Variants in SHLD2 observed in about 807,000 individuals in gnomAD.
The protein encoded by SHLD2 is RINN1-REV7-interacting novel NHEJ regulator 2.
SHLD2 carries 30 observed loss-of-function variants against 73.2 expected under a neutral mutation model. The observed-to-expected ratio is 0.41, with a 90% confidence interval of 0.31 to 0.56. The LOEUF (loss-of-function observed/expected upper bound fraction) is 0.56, where lower values mean the gene tolerates loss of function less well. Among genes scored for constraint, SHLD2 ranks in the 20% least tolerant of loss-of-function variants. The pLI, the probability that SHLD2 is intolerant of heterozygous loss-of-function variation, is 0.28. For synonymous variants in SHLD2, 285 were observed against 370.1 expected, an observed-to-expected ratio of 0.77 and a Z score of 2.64; for missense variants, 745 against 1,055.9, an observed-to-expected ratio of 0.71 and a Z score of 4.08.
rs553437266 is a variant in SHLD2 at position 87,115,090 on chromosome 10, G to A, written c.-6+18101G>A. Among the ~76,000 whole-genome samples, 15 of 152,128 alleles carry A rather than the reference G, an allele frequency of 9.9e-5. No individual in the cohort carries two copies. The South Asian group carries it at 1.0e-3, about 11-fold the overall frequency. On this transcript the variant is annotated intron_variant, in intron 2 of 9. Coordinates refer to ENST00000298786, the MANE Select transcript of SHLD2 (RefSeq NM_001330112.2). ...TTTTGAGACAGAGTCGTGCTCTGTC[G>A]CCCAGGCTGGAGTGCAGTGGTGCGA...
Position 87,151,962 on chromosome 10 carries a change from A to G in SHLD2, c.608A>G (p.Tyr203Cys). ...CAAAGAGAGTGTGTGCCAACAGAAT[A>G]TCATGAAATACAAAACCAGTGTTTG... is the stretch of plus-strand genomic sequence containing the variant. The part of the protein sequence containing the change: ...VVQRECVPTE[Y>C]HEIQNQCLGL... Residue 203 changes from tyrosine (Y) to cysteine (C), a missense_variant, in exon 3 of 10, where the codon TAT becomes TGT. Around this residue, in one of 5 missense-constraint regions of SHLD2, gnomAD observed 280 missense variants for 353.9 expected, o/e 0.79. Coordinates refer to ENST00000298786, the MANE Select transcript of SHLD2 (RefSeq NM_001330112.2). 6.2e-7 allele frequency: 1 copy of G among 1,611,956 alleles called. No individual in the cohort carries two copies. Among genetic ancestry groups the G allele is most frequent in the Non-Finnish European group, 8.5e-7 (1 of 1,179,798 alleles).
Position 87,180,252 on chromosome 10 carries a change from A to G in SHLD2, c.2348A>G (p.Tyr783Cys), listed in dbSNP as rs1261397286. ...CTAGAAACAGATGAGAACAGGATCT[A>G]CAAACAATGTTTTAGCTGCTTGCCA... ...LELETDENRI[Y>C]KQCFSCLPFT... The change falls in exon 8 of 10, where the codon TAC becomes TGC. Residue 783 changes from tyrosine to cysteine, a missense_variant. Tyr to Cys is a radical substitution (Grantham distance 194). This residue lies in a region of SHLD2 where 418 missense variants were observed against 567.8 expected (regional missense o/e 0.74). Transcript: ENST00000298786. The G allele has an allele frequency of 1.9e-6, 3 of 1,612,904 alleles. No individual in the cohort carries two copies. Among genetic ancestry groups the G allele is most frequent in the Non-Finnish European group, 8.5e-7 (1 of 1,179,086 alleles).
At chr10:87,167,207 A>G (rs946106936) in intron 4 of SHLD2, among the ~76,000 whole-genome samples, 3 of 152,162 alleles carry the variant, frequency 2.0e-5, no homozygotes, top group African/African-American at 4.8e-5. Flanking sequence ...TGGATGGAGA[A>G]TATTCTATGA....
chr10:87,151,634 C>T lies in SHLD2; in HGVS notation c.280C>T (p.Arg94Cys), dbSNP rs745653598. Residue 94 changes from arginine to cysteine, a missense_variant, in exon 3 of 10, where the codon CGT becomes TGT. Physicochemically the swap from Arg to Cys is radical, Grantham distance 180. Coordinates refer to ENST00000298786, the MANE Select transcript of SHLD2 (RefSeq NM_001330112.2). ...RHVHVKDDFV[R>C]SVSETQNIES... ...TGTTCATGTGAAAGATGACTTTGTA[C>T]GTTCTGTTTCTGAAACACAGAATAT... 8 of 1,611,670 alleles carry T rather than the reference C, an allele frequency of 5.0e-6. No individual in the cohort carries two copies. The highest frequency in any genetic ancestry group is 1.7e-5 in the Admixed American group (1 of 60,004).
intron 3 of SHLD2, 58 bp downstream of exon 3, chr10:87,152,937 T>C: frequency 6.6e-7 from 1 of 1,505,082 alleles, no homozygotes; most frequent in Non-Finnish European, 9.0e-7. Context: ...TTGTTTGTTT[T>C]TGTTTTTCTC....
chr10:87,099,071 T>A (rs1159723916), intron 2 of SHLD2, among the ~76,000 whole-genome samples: 4 of 152,188 alleles, frequency 2.6e-5, no homozygotes, highest in Non-Finnish European at 4.4e-5. Flanking sequence ...CCACCATGCC[T>A]CACACAATAA....
intron 4 of SHLD2, among the ~76,000 whole-genome samples, chr10:87,169,909 G>C (rs1437506916): frequency 1.3e-5 from 2 of 152,180 alleles, no homozygotes; most frequent in Non-Finnish European, 2.9e-5. Flanking sequence ...GCAGCACTGT[G>C]AATCTATAGT....
At chr10:87,127,560 C>T (rs1208382885) in intron 2 of SHLD2, among the ~76,000 whole-genome samples, 2 of 140,188 alleles carry the variant, frequency 1.4e-5, no homozygotes, top group African/African-American at 5.3e-5. Flanking sequence ...CACCCCCCGC[C>T]TCCCACTTTT....
chr10:87,148,581 T>C (rs1184208876), intron 2 of SHLD2, among the ~76,000 whole-genome samples: 2 of 151,198 alleles, frequency 1.3e-5, no homozygotes, highest in Non-Finnish European at 2.9e-5. Context: ...GTTGGTTTTA[T>C]TTTTAAAGAT....
chr10:87,132,592 T>C (rs1304577968), intron 2 of SHLD2, among the ~76,000 whole-genome samples: 3 of 152,072 alleles, frequency 2.0e-5, no homozygotes, highest in Admixed American at 2.0e-4. Flanking sequence ...CAGGGCAACA[T>C]GGTGAAACCC....
intron 3 of SHLD2, 91 bp from the exon 4 acceptor site, chr10:87,157,957 G>A: frequency 9.6e-7 from 1 of 1,042,828 alleles, no homozygotes; most frequent in South Asian, 1.6e-5. Flanking sequence ...TTGGTATATG[G>A]GAGGCATGCA....
At chr10:87,140,578 G>A (rs1381088931) in intron 2 of SHLD2, among the ~76,000 whole-genome samples, 1 of 151,606 alleles carries the variant, frequency 6.6e-6, no homozygotes, top group Admixed American at 6.6e-5. Context: ...AAAAGAAACA[G>A]TGACTATAAA....
chr10:87,154,791 T>C (rs931840535), intron 3 of SHLD2, among the ~76,000 whole-genome samples: 1 of 152,158 alleles, frequency 6.6e-6, no homozygotes, highest in Non-Finnish European at 1.5e-5. Context: ...CTTAATAAAA[T>C]ATCTAAAGAA....
At chr10:87,171,603 C>A (rs1406863148) in intron 6 of SHLD2, among the ~76,000 whole-genome samples, 1 of 152,150 alleles carries the variant, frequency 6.6e-6, no homozygotes, top group African/African-American at 2.4e-5. Context: ...TTAGTTGTAA[C>A]AAAGACAGTT....
At position 87,179,556 on chromosome 10, in the gene SHLD2, C is replaced by T. The variant is rs1191443695; in HGVS notation, c.2171-519C>T. On this transcript the variant is annotated intron_variant, in intron 7 of 9. Coordinates refer to ENST00000298786, the MANE Select transcript of SHLD2 (RefSeq NM_001330112.2). ...AGCTAGGACTACAGGCGCCAGCCAC[C>T]GCGCCTGGCTAATTTTTTGTATTTT... Among the ~76,000 whole-genome samples, 6 of 152,238 alleles carry T rather than the reference C, an allele frequency of 3.9e-5. No individual in the cohort carries two copies. In the South Asian group the frequency reaches 6.2e-4, roughly 16 times the overall value.
At chr10:87,131,823 A>G (rs2134159353) in intron 2 of SHLD2, among the ~76,000 whole-genome samples, 2 of 152,320 alleles carry the variant, frequency 1.3e-5, no homozygotes, top group Middle Eastern at 6.8e-3. Flanking sequence ...ACCATTTTAT[A>G]TTCCTATTAG....
intron 9 of SHLD2, among the ~76,000 whole-genome samples, chr10:87,187,736 G>A (rs1848704309): frequency 6.6e-6 from 1 of 152,100 alleles, no homozygotes; most frequent in South Asian, 2.1e-4. Flanking sequence ...TTAGTTGGGG[G>A]TGTCTAGTAA....
chr10:87,120,488 C>A (rs1039214321), intron 2 of SHLD2, among the ~76,000 whole-genome samples: 1 of 151,850 alleles, frequency 6.6e-6, no homozygotes, highest in Non-Finnish European at 1.5e-5. Flanking sequence ...ACCTCGTGAT[C>A]TGCCCGCCTC....
At chr10:87,189,361 A>G (rs1036470689) in intron 9 of SHLD2, among the ~76,000 whole-genome samples, 1 of 152,220 alleles carries the variant, frequency 6.6e-6, no homozygotes, top group African/African-American at 2.4e-5. Context: ...CATCATTCTC[A>G]TATCACATAT....
Sources: allele counts gnomAD v4.1 joint callset (sites outside exome capture counted in the v4.1 genomes callset), GRCh38; gene constraint gnomAD v4.1.1; regional missense constraint gnomAD v4.1.1; transcripts MANE v1.5; gene names NCBI Gene and HGNC (gene_info 2026-07-23, HGNC 2026-07-21).